The following CRTC1 variants were observed in gnomAD, a reference collection of about 807,000 sequenced individuals.
CRTC1 encodes the protein CREB regulated transcription coactivator 1.
A neutral mutation model predicts 66.1 loss-of-function variants in CRTC1; 18 were observed. The ratio of observed to expected loss-of-function variants is 0.27; its 90% CI spans 0.19 to 0.40. CRTC1 has a LOEUF of 0.40. Among genes scored for constraint, CRTC1 ranks in the 10% least tolerant of loss-of-function variants. The probability of loss-of-function intolerance (pLI) is 1.00; values close to 1 mark genes in which losing one functional copy is unlikely to be tolerated. For synonymous variants in CRTC1, 416 were observed against 398.8 expected (o/e 1.04, Z -0.51); for missense variants, 669 against 887.9 (o/e 0.75, Z 3.13).
intron 1 of CRTC1, among the ~76,000 whole-genome samples, chr19:18,691,662 G>C (rs980815968): frequency 6.6e-6 from 1 of 152,040 alleles, no homozygotes; most frequent in Non-Finnish European, 1.5e-5. Context: ...GGAAGGGATA[G>C]GAAGGGTCTT....
At chr19:18,766,683 G>C (rs2054744508) in intron 9 of CRTC1, among the ~76,000 whole-genome samples, 1 of 152,180 alleles carries the variant, frequency 6.6e-6, no homozygotes, top group African/African-American at 2.4e-5. Flanking sequence ...CTGGCCTCAG[G>C]CAATCTGCCC....
intron 1 of CRTC1, among the ~76,000 whole-genome samples, chr19:18,687,076 C>T (rs888631177): frequency 3.7e-5 from 5 of 133,856 alleles, no homozygotes; most frequent in East Asian, 4.6e-4. Flanking sequence ...AGTGCAGTGG[C>T]GCAATCTCGG....
intron 1 of CRTC1, among the ~76,000 whole-genome samples, chr19:18,718,606 G>C (rs1389389183): frequency 1.3e-5 from 2 of 151,558 alleles, no homozygotes; most frequent in Non-Finnish European, 2.9e-5. Context: ...GCCTCCCAAA[G>C]TGCTGGGATT....
chr19:18,762,316 G>T (rs770905286), intron 8 of CRTC1, among the ~76,000 whole-genome samples: 1 of 152,228 alleles, frequency 6.6e-6, no homozygotes, highest in Non-Finnish European at 1.5e-5. Context: ...AGAGCGGCCC[G>T]GTAATGCCTG....
chr19:18,710,207 G>A (rs2053359062), intron 1 of CRTC1, among the ~76,000 whole-genome samples: 1 of 152,022 alleles, frequency 6.6e-6, no homozygotes, highest in Non-Finnish European at 1.5e-5. Context: ...CCACTCACTC[G>A]GAAGTCTCCC....
intron 1 of CRTC1, among the ~76,000 whole-genome samples, chr19:18,684,194 A>C (rs1413903123): frequency 6.6e-6 from 1 of 151,830 alleles, no homozygotes; most frequent in East Asian, 1.9e-4. Context: ...CAGGTGCCCC[A>C]CATTATTACT....
chr19:18,688,666 G>C (rs145985200), intron 1 of CRTC1, among the ~76,000 whole-genome samples: 1 of 152,014 alleles, frequency 6.6e-6, no homozygotes, highest in African/African-American at 2.4e-5. Flanking sequence ...TTGAACTCCC[G>C]ACCTCAGGTG....
At chr19:18,773,308 G>A (rs1040506139) in intron 11 of CRTC1, among the ~76,000 whole-genome samples, 3 of 152,076 alleles carry the variant, frequency 2.0e-5, no homozygotes, top group Admixed American at 6.5e-5. Context: ...CCTGCCTTGA[G>A]TAGCCACTGT....
At chr19:18,696,052 T>G (rs1416004565) in intron 1 of CRTC1, among the ~76,000 whole-genome samples, 2 of 152,006 alleles carry the variant, frequency 1.3e-5, no homozygotes, top group Admixed American at 6.6e-5. Flanking sequence ...GATGCAAACC[T>G]GGATCCTGTA....
chr19:18,780,862 C>T lies in CRTC1; in HGVS notation c.*3480C>T, dbSNP rs115852974. 3,508 of 222,844 alleles carry T rather than the reference C, an allele frequency of 0.016. 129 individuals carry two copies. The highest frequency in any genetic ancestry group is 0.073 in the African/African-American group (3,286 of 44,794). 13.8% of individuals were successfully genotyped at this position (222,844 alleles called of 1,614,324 possible). ...CCTGAACAGCCTTGGCAGGACCCGT[C>T]CCTAGAGGGGGCTCTGGTGCCTCCC... On this transcript the variant is annotated 3_prime_UTR_variant, in exon 14 of 14. Coordinates refer to ENST00000321949, the MANE Select transcript of CRTC1 (RefSeq NM_015321.3).
chr19:18,751,504 G>A (rs1288409713), intron 5 of CRTC1, among the ~76,000 whole-genome samples: 4 of 152,052 alleles, frequency 2.6e-5, no homozygotes, highest in African/African-American at 7.2e-5. Context: ...CTCCAGCCTG[G>A]GTGACAAAGT....
At chr19:18,690,348 G>A (rs1302731432) in intron 1 of CRTC1, among the ~76,000 whole-genome samples, 1 of 152,080 alleles carries the variant, frequency 6.6e-6, no homozygotes, top group Non-Finnish European at 1.5e-5. Flanking sequence ...TGTGGAGCCC[G>A]CCCCCCAGTC....
chr19:18,691,611 T>C (rs1006179260), intron 1 of CRTC1, among the ~76,000 whole-genome samples: 8 of 150,050 alleles, frequency 5.3e-5, no homozygotes, highest in African/African-American at 2.0e-4. Context: ...ATTGGAGCGA[T>C]GTGGTCACAA....
intron 1 of CRTC1, among the ~76,000 whole-genome samples, chr19:18,699,549 C>T (rs1367855402): frequency 6.6e-6 from 1 of 152,156 alleles, no homozygotes; most frequent in Non-Finnish European, 1.5e-5. Flanking sequence ...GTCCATTCCT[C>T]GAGTCAGTTG....
rs564077197 is a variant in CRTC1, at chr19:18,774,742, T to A, written c.1426-158T>A. On this transcript the variant is annotated intron_variant, in intron 11 of 13. Transcript: ENST00000321949. Reference sequence around the variant, plus strand: ...TGGCAGAAAAAAAGTCATCCAGGATTGGGGGGCACTTCTGGAACCCCAAAA... The same window carrying A: ...TGGCAGAAAAAAAGTCATCCAGGATAGGGGGGCACTTCTGGAACCCCAAAA... 7.2e-5 allele frequency among the ~76,000 whole-genome samples: 11 copies of A among 152,178 alleles called. No individual in the cohort carries two copies. The South Asian group carries it at 2.3e-3, about 32-fold the overall frequency.
intron 1 of CRTC1, among the ~76,000 whole-genome samples, chr19:18,718,730 C>T: frequency 6.6e-6 from 1 of 152,132 alleles, no homozygotes; most frequent in East Asian, 1.9e-4. Context: ...GTGGGTTTTC[C>T]CACCTTTTGG....
chr19:18,727,580 C>CAAAAAAAAA lies in CRTC1; in HGVS notation c.127-15321_127-15313dup, dbSNP rs60907638. ...TGGGTGACAGAGCAAGACTCTGTCTCAAAAAAAAAAAAAAAAAGAAGAAGA... is the reference window on the plus strand; with the variant it reads ...TGGGTGACAGAGCAAGACTCTGTCTCAAAAAAAAAAAAAAAAAAAAAAAAAAGAAGAAGA... On this transcript the variant is annotated intron_variant, in intron 1 of 13. Coordinates refer to ENST00000321949, the MANE Select transcript of CRTC1 (RefSeq NM_015321.3). Among the ~76,000 whole-genome samples the CAAAAAAAAA allele has an allele frequency of 1.6e-3, 85 of 51,792 alleles. 10 individuals carry two copies. Among genetic ancestry groups the CAAAAAAAAA allele is most frequent in the African/African-American group, 2.6e-3 (31 of 12,102 alleles). 34.0% of individuals were successfully genotyped at this position (51,792 alleles called of 152,430 possible). A position where few individuals can be genotyped will look rare whatever the true frequency, so the allele number is the denominator to read the frequency against.
intron 1 of CRTC1, among the ~76,000 whole-genome samples, chr19:18,687,672 A>G (rs1309762963): frequency 1.3e-5 from 2 of 152,114 alleles, no homozygotes; most frequent in Non-Finnish European, 2.9e-5. Flanking sequence ...TTTGAATTCC[A>G]AAGGACAGCA....
At position 18,771,447 on chromosome 19, in the gene CRTC1, G is replaced by A. The variant is rs1054927425; in HGVS notation, c.1326G>A (p.Pro442=). ...PSMGIDIASA[P]ALQQYRTSAG... ...TGATCTGTCTGTCATCGCAGGCGCC[G>A]GCTCTGCAGCAGTACCGCACTAGCG... The change falls in exon 11 of 14, where the codon CCG becomes CCA. Residue 442 remains proline (P), a synonymous_variant. Coordinates refer to ENST00000321949, the MANE Select transcript of CRTC1 (RefSeq NM_015321.3). The surrounding 1 kb of genome is among the most constrained non-coding windows in gnomAD (Gnocchi z 4.6). 14 of 1,612,258 alleles carry A rather than the reference G, an allele frequency of 8.7e-6. No individual in the cohort carries two copies. Among genetic ancestry groups the A allele is most frequent in the Admixed American group, 8.4e-5 (5 of 59,854 alleles).
Sources: gnomAD v4.1 joint callset for allele counts (sites outside exome capture counted in the v4.1 genomes callset) on GRCh38, gnomAD v4.1.1 for gene constraint, Gnocchi (gnomAD v3.1) non-coding constraint, MANE v1.5 for transcripts, NCBI Gene and HGNC (gene_info 2026-07-23, HGNC 2026-07-21) for gene names.